The following CFTR variants were observed in gnomAD, a reference collection of about 807,000 sequenced individuals.
CFTR encodes cystic fibrosis transmembrane conductance regulator.
Under a neutral mutation model 171.6 loss-of-function variants are expected in CFTR, and 181 were observed. The observed-to-expected ratio is 1.05, with a 90% CI of 0.93 to 1.19. The LOEUF is 1.19. Among genes scored for constraint, CFTR ranks in the 50% most tolerant of loss-of-function variants. CFTR has a pLI of 0.00. For missense variants in CFTR, 1,968 were observed against 1,734.7 expected, an observed-to-expected ratio of 1.13 and a Z score of -2.39; for synonymous variants, 583 against 608.0, an observed-to-expected ratio of 0.96 and a Z score of 0.60.
intron 22 of CFTR, among the ~76,000 whole-genome samples, chr7:117,630,933 G>A (rs979689548): frequency 3.9e-5 from 6 of 152,112 alleles, no homozygotes; most frequent in Non-Finnish European, 8.8e-5. Context: ...TCAGGTTGGG[G>A]GATGCCAAAG....
chr7:117,609,040 A>G (rs938633282), intron 18 of CFTR, among the ~76,000 whole-genome samples: 1 of 152,098 alleles, frequency 6.6e-6, no homozygotes, highest in Non-Finnish European at 1.5e-5. Context: ...CACTACTGAA[A>G]TTTTATACCT....
intron 24 of CFTR, among the ~76,000 whole-genome samples, chr7:117,653,367 A>T (rs1793116544): frequency 6.6e-6 from 1 of 152,208 alleles, no homozygotes; most frequent in Non-Finnish European, 1.5e-5. Flanking sequence ...CAATCTTTGG[A>T]GGCTGAGAAG....
At chr7:117,615,003 T>C (rs1310511066) in intron 21 of CFTR, among the ~76,000 whole-genome samples, 1 of 152,096 alleles carries the variant, frequency 6.6e-6, no homozygotes, top group Admixed American at 6.6e-5. Flanking sequence ...GTCATAGGAT[T>C]CACCCATGCT....
Position 117,480,291 on chromosome 7 carries a change from A to G in CFTR, c.53+144A>G, listed in dbSNP as rs934403886. The stretch of plus-strand genomic sequence containing the variant: ...CATTGTTTTGAAAGAAAATGTGGGT[A>G]TTGTAGAATAAAACAGAAAGCATTA... On this transcript the variant is annotated intron_variant, in intron 1 of 26. Coordinates refer to ENST00000003084, the MANE Select transcript of CFTR (RefSeq NM_000492.4). 2.3e-5 allele frequency: 18 copies of G among 770,796 alleles called. 1 individual carries two copies. The highest frequency in any genetic ancestry group is 1.8e-4 in the Admixed American group (9 of 50,830). The allele number at this position is 770,796 out of a possible 1,614,324, so 47.7% of individuals were successfully genotyped here. A position where few individuals can be genotyped will look rare whatever the true frequency, so the allele number is the denominator to read the frequency against.
intron 1 of CFTR, chr7:117,487,697 C>CA (rs1219431786): frequency 6.6e-5 from 10 of 152,042 alleles, no homozygotes; most frequent in Non-Finnish European, 1.5e-4. Flanking sequence ...TACAGAGGTG[C>CA]AACTACCTCC....
At chr7:117,488,778 A>G (rs751598759) in intron 1 of CFTR, among the ~76,000 whole-genome samples, 6 of 152,142 alleles carry the variant, frequency 3.9e-5, no homozygotes, top group African/African-American at 9.7e-5. Context: ...ATTTTGTATA[A>G]CATTTATATG....
intron 22 of CFTR, among the ~76,000 whole-genome samples, chr7:117,629,430 A>G (rs1483521416): frequency 2.6e-5 from 4 of 152,194 alleles, no homozygotes; most frequent in African/African-American, 9.6e-5. Flanking sequence ...TATAGACCCA[A>G]AAAAAGGGCC....
chr7:117,570,953 A>G (rs2115972286), intron 11 of CFTR, among the ~76,000 whole-genome samples: 1 of 152,342 alleles, frequency 6.6e-6, no homozygotes, highest in African/African-American at 2.4e-5. Context: ...GTAAGTGTAT[A>G]TTTGGGAAAA....
At chr7:117,598,926 G>A (rs1193453645) in intron 15 of CFTR, among the ~76,000 whole-genome samples, 1 of 152,146 alleles carries the variant, frequency 6.6e-6, no homozygotes, top group Admixed American at 6.5e-5. Context: ...GCTACATAAT[G>A]AGCAAGGTTT....
At chr7:117,546,504 G>A (rs577325324) in intron 9 of CFTR, among the ~76,000 whole-genome samples, 37 of 152,082 alleles carry the variant, frequency 2.4e-4, no homozygotes, top group Admixed American at 8.5e-4. Context: ...TAAATGTGTG[G>A]AGTGATATCC....
In CFTR at chr7:117,586,818, C is replaced by T. The variant is rs946701394; in HGVS notation, c.1585-921C>T. Among the ~76,000 whole-genome samples the T allele has an allele frequency of 1.4e-4, 21 of 151,578 alleles. 1 individual carries two copies. Among genetic ancestry groups the T allele is most frequent in the African/African-American group, 5.1e-4 (21 of 41,348 alleles). ...AGAGTTTACTACCTATCTAACTCTTCGCATTCTTGAAGTCTCAGACCAAAT... is the reference window on the plus strand; with the variant it reads ...AGAGTTTACTACCTATCTAACTCTTTGCATTCTTGAAGTCTCAGACCAAAT... On this transcript the variant is annotated intron_variant, in intron 11 of 26. Coordinates refer to ENST00000003084, the MANE Select transcript of CFTR (RefSeq NM_000492.4).
At chr7:117,555,552 G>A (rs1201778876) in intron 10 of CFTR, among the ~76,000 whole-genome samples, 4 of 152,112 alleles carry the variant, frequency 2.6e-5, no homozygotes, top group South Asian at 4.2e-4. Flanking sequence ...TTTTCATCAT[G>A]TTTAGTGCAA....
chr7:117,488,055 C>T (rs1798101576), intron 1 of CFTR: 1 of 152,108 alleles, frequency 6.6e-6, no homozygotes, highest in Non-Finnish European at 1.5e-5. Flanking sequence ...ACAATACCAA[C>T]ACAAAAGCAT....
At chr7:117,648,603 C>G (rs1793033187) in intron 23 of CFTR, among the ~76,000 whole-genome samples, 1 of 152,102 alleles carries the variant, frequency 6.6e-6, no homozygotes, top group Non-Finnish European at 1.5e-5. Flanking sequence ...TTGATAGTTT[C>G]AGGTATATTT....
intron 18 of CFTR, among the ~76,000 whole-genome samples, chr7:117,609,486 C>T (rs1792349905): frequency 6.6e-6 from 1 of 151,900 alleles, no homozygotes; most frequent in Non-Finnish European, 1.5e-5. Flanking sequence ...ATACTTTATT[C>T]AAATGGATTA....
Position 117,664,834 on chromosome 7 carries a change from T to C in CFTR, c.4110T>C (p.Asp1370=), listed in dbSNP as rs1793345654. The C allele has an allele frequency of 9.3e-6, 15 of 1,613,918 alleles. No individual in the cohort carries two copies. The highest frequency in any genetic ancestry group is 1.3e-5 in the Non-Finnish European group (15 of 1,179,914). Residue 1370 remains aspartate (D), a synonymous_variant, in exon 25 of 27, where the codon GAT becomes GAC. Transcript: ENST00000003084. ...GTAAGGCGAAGATCTTGCTGCTTGA[T>C]GAACCCAGTGCTCATTTGGATCCAG... ...VLSKAKILLL[D]EPSAHLDPVT...
intron 24 of CFTR, among the ~76,000 whole-genome samples, chr7:117,657,445 G>A (rs915798697): frequency 6.6e-6 from 1 of 152,120 alleles, no homozygotes; most frequent in Non-Finnish European, 1.5e-5. Context: ...AGTAGTGATA[G>A]GTTTTTGATG....
intron 11 of CFTR, among the ~76,000 whole-genome samples, chr7:117,573,092 A>G (rs1169152506): frequency 6.6e-6 from 1 of 151,686 alleles, no homozygotes; most frequent in Admixed American, 6.6e-5. Flanking sequence ...ATATAGCAAC[A>G]CCCTATATCA....
chr7:117,539,458 T>A (rs1799011525), intron 7 of CFTR, among the ~76,000 whole-genome samples: 1 of 151,932 alleles, frequency 6.6e-6, no homozygotes, highest in South Asian at 2.1e-4. Context: ...CCTGGAAACC[T>A]ACTGAGACTC....
Sources: allele counts gnomAD v4.1 joint callset (sites outside exome capture counted in the v4.1 genomes callset), GRCh38; gene constraint gnomAD v4.1.1; transcripts MANE v1.5; gene names NCBI Gene and HGNC (gene_info 2026-07-23, HGNC 2026-07-21).